METTL15: variants seen among roughly 807,000 people sequenced by gnomAD.
The protein encoded by METTL15 is methyltransferase 15, mitochondrial 12S rRNA N4-cytidine, also known as 12S rRNA N(4)-cytidine methyltransferase METTL15.
In METTL15, 34 loss-of-function variants were observed where a neutral mutation model predicts 38.3. The ratio of observed to expected loss-of-function variants is 0.89; its 90% CI spans 0.68 to 1.18. METTL15 has a LOEUF of 1.18. Among genes scored for constraint, METTL15 ranks in the 50% most tolerant of loss-of-function variants. METTL15 has a pLI of 0.00. For missense variants in METTL15, 438 were observed against 498.4 expected, an observed-to-expected ratio of 0.88 and a Z score of 1.15; for synonymous variants, 162 against 170.9, an observed-to-expected ratio of 0.95 and a Z score of 0.41.
chr11:28,221,050 A>G (rs905886599), intron 4 of METTL15, among the ~76,000 whole-genome samples: 39 of 151,942 alleles, frequency 2.6e-4, no homozygotes, highest in Non-Finnish European at 4.4e-4. Flanking sequence ...TGGAGTTGCT[A>G]TTCTCGTGGA....
chr11:28,385,551 A>G (rs1163384171), intron 5 of METTL15, among the ~76,000 whole-genome samples: 1 of 152,104 alleles, frequency 6.6e-6, no homozygotes, highest in Non-Finnish European at 1.5e-5. Context: ...ATAGCCTTGT[A>G]GTATAGTTTC....
intron 5 of METTL15, among the ~76,000 whole-genome samples, chr11:28,367,462 C>T (rs1850197879): frequency 2.0e-5 from 3 of 152,070 alleles, no homozygotes; most frequent in Admixed American, 6.6e-5. Flanking sequence ...TCAAGGAGAA[C>T]TACAAACCAC....
intron 6 of METTL15, among the ~76,000 whole-genome samples, chr11:28,486,591 T>C (rs376301117): frequency 3.3e-4 from 50 of 152,290 alleles, no homozygotes; most frequent in Admixed American, 1.0e-3. Context: ...GCCTCTCTAG[T>C]GGCAGTGGTG....
At chr11:28,326,774 T>G (rs548422594) in intron 6 of METTL15, among the ~76,000 whole-genome samples, 3 of 151,760 alleles carry the variant, frequency 2.0e-5, no homozygotes, top group South Asian at 2.1e-4. Flanking sequence ...TTTGTTTTTG[T>G]TTTTGTTTTT....
At chr11:28,124,714 G>A (rs1428174647) in intron 3 of METTL15, among the ~76,000 whole-genome samples, 4 of 152,052 alleles carry the variant, frequency 2.6e-5, no homozygotes, top group African/African-American at 7.2e-5. Context: ...CGTTTTCCCT[G>A]CTTTCTCTAG....
chr11:28,380,924 T>A (rs996785123), intron 5 of METTL15, among the ~76,000 whole-genome samples: 3 of 152,096 alleles, frequency 2.0e-5, no homozygotes, highest in African/African-American at 7.2e-5. Context: ...TCTGTTGTCA[T>A]ACAAATTGGA....
chr11:28,407,763 C>T (rs549000339), intron 5 of METTL15, among the ~76,000 whole-genome samples: 1 of 151,930 alleles, frequency 6.6e-6, no homozygotes, highest in Non-Finnish European at 1.5e-5. Flanking sequence ...CCTGAAAGAC[C>T]GAGAACCAGA....
At chr11:28,114,597 A>G (rs1851862486) in intron 3 of METTL15, among the ~76,000 whole-genome samples, 1 of 151,972 alleles carries the variant, frequency 6.6e-6, no homozygotes, top group Non-Finnish European at 1.5e-5. Context: ...ACTATAGGTG[A>G]ACACTACCGT....
In METTL15 at chr11:28,183,635, C is replaced by G. The variant is rs148047670; in HGVS notation, c.271-27427C>G. Among the ~76,000 whole-genome samples, 110 of 151,870 alleles carry G rather than the reference C, an allele frequency of 7.2e-4. 1 individual carries two copies. In the Middle Eastern group the frequency reaches 0.027, roughly 38 times the overall value. ...ACTTGATCGTGGTGGATAAGCTTTT[C>G]GATGTGCTGCTGGACTTGGTTTGCC... On this transcript the variant is annotated intron_variant, in intron 3 of 6. Coordinates refer to ENST00000407364, the MANE Select transcript of METTL15 (RefSeq NM_001113528.2).
At chr11:28,330,256 T>C (rs116840126) in intron 6 of METTL15, 140 bp from the exon 7 acceptor site, 11 of 725,094 alleles carry the variant, frequency 1.5e-5, no homozygotes, top group Non-Finnish European at 2.4e-5. Context: ...GAGGGGGAAG[T>C]ATGAATGAAG....
chr11:28,345,440 T>G (rs1201029005), intron 3 of METTL15, among the ~76,000 whole-genome samples: 1 of 152,182 alleles, frequency 6.6e-6, no homozygotes, highest in Non-Finnish European at 1.5e-5. Context: ...TCCACCCGCC[T>G]CCGTATCCCA....
At chr11:28,436,682 A>ATAG (rs1850984901) in intron 6 of METTL15, among the ~76,000 whole-genome samples, 2 of 152,082 alleles carry the variant, frequency 1.3e-5, no homozygotes, top group Non-Finnish European at 2.9e-5. Flanking sequence ...GGTGAGGGAG[A>ATAG]TAGAAAAGGT....
At chr11:28,124,140 A>C (rs1852368296) in intron 3 of METTL15, among the ~76,000 whole-genome samples, 1 of 152,132 alleles carries the variant, frequency 6.6e-6, no homozygotes, top group Non-Finnish European at 1.5e-5. Flanking sequence ...AATAAATGAC[A>C]TTTTTTGGAC....
intron 4 of METTL15, among the ~76,000 whole-genome samples, chr11:28,243,686 C>T (rs1854396070): frequency 6.6e-6 from 1 of 152,094 alleles, no homozygotes; most frequent in Admixed American, 6.5e-5. Context: ...TATGACAAAT[C>T]ATCAATTTTA....
At chr11:28,122,192 AT>A (rs1276343618) in intron 3 of METTL15, 4 of 1,254,442 alleles carry the variant, frequency 3.2e-6, no homozygotes, top group Admixed American at 5.2e-5. Flanking sequence ...TAAATTTAAC[AT>A]TTTTTTAAAA....
chr11:28,316,219 G>A (rs760830016), intron 6 of METTL15, among the ~76,000 whole-genome samples: 1 of 152,242 alleles, frequency 6.6e-6, no homozygotes, highest in African/African-American at 2.4e-5. Context: ...CACAGGAGTG[G>A]AGCTGCCAAA....
At chr11:28,353,797 C>T (rs528715400) in intron 4 of METTL15, among the ~76,000 whole-genome samples, 1 of 151,436 alleles carries the variant, frequency 6.6e-6, no homozygotes, top group South Asian at 2.1e-4. Flanking sequence ...CGGTGGCGGG[C>T]GCCTGTAGTC....
At chr11:28,184,898 A>G (rs1331114389) in intron 3 of METTL15, among the ~76,000 whole-genome samples, 1 of 151,552 alleles carries the variant, frequency 6.6e-6, no homozygotes, top group Non-Finnish European at 1.5e-5. Context: ...CATGTATCCA[A>G]GGAAAATACC....
At chr11:28,465,503 T>G (rs945854367) in intron 6 of METTL15, among the ~76,000 whole-genome samples, 1 of 152,192 alleles carries the variant, frequency 6.6e-6, no homozygotes, top group African/African-American at 2.4e-5. Flanking sequence ...ACATCTCCAC[T>G]TCGATAACTT....
Sources: allele counts gnomAD v4.1 joint callset (sites outside exome capture counted in the v4.1 genomes callset), GRCh38; gene constraint gnomAD v4.1.1; transcripts MANE v1.5; gene names NCBI Gene and HGNC (gene_info 2026-07-23, HGNC 2026-07-21).